Variants in FANK1 observed in about 807,000 individuals in gnomAD.
FANK1 encodes the protein fibronectin type III and ankyrin repeat domains 1, also known as fibronectin type 3 and ankyrin repeat domains protein 1.
In FANK1, 44 loss-of-function variants were observed where a neutral mutation model predicts 45.3. The observed-to-expected ratio is 0.97, with a 90% CI of 0.76 to 1.25. The LOEUF (loss-of-function observed/expected upper bound fraction) is 1.25, where lower values mean the gene tolerates loss of function less well. FANK1 is among the 50% of genes most tolerant of loss of function. The pLI, the probability that FANK1 is intolerant of heterozygous loss-of-function variation, is 0.00. For missense variants in FANK1, 391 were observed against 424.4 expected (o/e 0.92, Z 0.69); for synonymous variants, 149 against 152.5 (o/e 0.98, Z 0.17).
At position 125,983,918 on chromosome 10, in the gene FANK1, C is replaced by A. The variant is rs1168844877; in HGVS notation, c.191+3580C>A. Among the ~76,000 whole-genome samples, 1 of 152,112 alleles carries A rather than the reference C, an allele frequency of 6.6e-6. No individual in the cohort carries two copies. The highest frequency in any genetic ancestry group is 6.5e-5 in the Admixed American group (1 of 15,268). On this transcript the variant is annotated intron_variant, in intron 2 of 10. Coordinates refer to ENST00000368693, the MANE Select transcript of FANK1 (RefSeq NM_145235.5). The surrounding 1 kb of genome is among the most constrained non-coding windows in gnomAD (Gnocchi z 4.3). ...TGTAGGGAGGCCAGGCAGCAAGCAG[C>A]AGGGAGGACTGATGAAGAAGCTTTT...
At position 125,980,344 on chromosome 10, in the gene FANK1, T is replaced by G; in HGVS notation, c.191+6T>G. 1 of 1,610,900 alleles carries G rather than the reference T, an allele frequency of 6.2e-7. No individual in the cohort carries two copies. Among genetic ancestry groups the G allele is most frequent in the South Asian group, 1.1e-5 (1 of 90,154 alleles). ...ACTTATGGTATCATTTATACGTAGG[T>G]GCAGTGTTGAATTGCTTGCCACTTT... On this transcript the variant is annotated splice_donor_region_variant and intron_variant, in intron 2 of 10. Transcript: ENST00000368693.
chr10:125,954,273 G>A (rs1339437053), intron 1 of FANK1, among the ~76,000 whole-genome samples: 1 of 152,148 alleles, frequency 6.6e-6, no homozygotes, highest in Non-Finnish European at 1.5e-5. Flanking sequence ...TACTGAAACT[G>A]AGACAGGGAG....
chr10:126,009,538 A>G lies in FANK1; in HGVS notation c.*100A>G. On this transcript the variant is annotated 3_prime_UTR_variant, in exon 11 of 11. Transcript: ENST00000368693. ...CTGCATCTTGGGGGGCTGTACATTT[A>G]TTTATTTAGTTGAAGATTCACTGAT... 1 of 1,282,844 alleles carries G rather than the reference A, an allele frequency of 7.8e-7. No individual in the cohort carries two copies. Among genetic ancestry groups the G allele is most frequent in the East Asian group, 2.4e-5 (1 of 42,466 alleles). The allele number at this position is 1,282,844 out of a possible 1,614,324, so 79.5% of individuals were successfully genotyped here.
At chr10:125,908,658 T>C (rs1945737644) in intron 1 of FANK1, among the ~76,000 whole-genome samples, 1 of 152,088 alleles carries the variant, frequency 6.6e-6, no homozygotes, top group Non-Finnish European at 1.5e-5. Flanking sequence ...TGTACCCTGC[T>C]CGAGTGATGG....
chr10:125,912,620 T>C (rs1406356229), intron 1 of FANK1, among the ~76,000 whole-genome samples: 1 of 152,156 alleles, frequency 6.6e-6, no homozygotes, highest in Non-Finnish European at 1.5e-5. Flanking sequence ...ACTTAATATA[T>C]AGTGCTTACC....
At chr10:125,901,842 T>C (rs1211911555) in intron 1 of FANK1, among the ~76,000 whole-genome samples, 2 of 152,232 alleles carry the variant, frequency 1.3e-5, no homozygotes, top group African/African-American at 4.8e-5. Context: ...AAAATCTAGC[T>C]GGACGTGGTG....
chr10:125,940,700 C>A (rs533893400), intron 1 of FANK1, among the ~76,000 whole-genome samples: 4 of 152,216 alleles, frequency 2.6e-5, no homozygotes, highest in East Asian at 3.9e-4. Flanking sequence ...TCCCTTCGCA[C>A]GAGGCCATAT....
At chr10:125,944,841 G>T (rs1948670477) in intron 1 of FANK1, among the ~76,000 whole-genome samples, 1 of 152,180 alleles carries the variant, frequency 6.6e-6, no homozygotes, top group South Asian at 2.1e-4. Flanking sequence ...TGACTGGTTT[G>T]CTGTCAGTAA....
Position 125,947,578 on chromosome 10 carries a change from T to C in FANK1, c.14-32583T>C, listed in dbSNP as rs1487779552. On this transcript the variant is annotated intron_variant, in intron 1 of 10. Coordinates refer to ENST00000368693, the MANE Select transcript of FANK1 (RefSeq NM_145235.5). ...AGAAGAGCTAACTATCCTAAATATA[T>C]ATGCACCCAATACAAGAGCACCCAG... Among the ~76,000 whole-genome samples the C allele has an allele frequency of 3.0e-4, 46 of 151,758 alleles. No homozygotes were observed. The South Asian group carries it at 9.2e-3, about 30-fold the overall frequency.
chr10:125,968,817 A>C (rs1950323036), intron 1 of FANK1, among the ~76,000 whole-genome samples: 2 of 152,174 alleles, frequency 1.3e-5, no homozygotes, highest in South Asian at 4.1e-4. Context: ...CAAACCTATA[A>C]TTTGTGAGTG....
intron 1 of FANK1, among the ~76,000 whole-genome samples, chr10:125,910,153 T>C (rs1445797180): frequency 6.6e-6 from 1 of 152,348 alleles, no homozygotes; most frequent in East Asian, 1.9e-4. Context: ...GTTTCTTTTT[T>C]CTGTTTTTTA....
chr10:125,912,733 G>C, intron 1 of FANK1, among the ~76,000 whole-genome samples: 1 of 152,196 alleles, frequency 6.6e-6, no homozygotes, highest in Non-Finnish European at 1.5e-5. Flanking sequence ...CACCTCCTGA[G>C]TTCAAGCAAT....
chr10:125,924,045 G>T (rs912133909), intron 1 of FANK1, among the ~76,000 whole-genome samples: 2 of 152,118 alleles, frequency 1.3e-5, no homozygotes, highest in East Asian at 3.9e-4. Context: ...GAGCCTGTAA[G>T]GGGGAGGCTG....
chr10:125,900,166 T>TC (rs537779716), intron 1 of FANK1, among the ~76,000 whole-genome samples: 2 of 152,300 alleles, frequency 1.3e-5, no homozygotes, highest in Non-Finnish European at 2.9e-5. Flanking sequence ...AGAAATGACT[T>TC]CCCAGGGAAA....
chr10:125,899,002 C>T (rs1389976839), intron 1 of FANK1, among the ~76,000 whole-genome samples: 1 of 151,458 alleles, frequency 6.6e-6, no homozygotes, highest in Non-Finnish European at 1.5e-5. Context: ...TCAAGCAATC[C>T]TCTCACCTGA....
intron 1 of FANK1, among the ~76,000 whole-genome samples, chr10:125,945,716 C>T (rs2134159167): frequency 6.6e-6 from 1 of 152,332 alleles, no homozygotes; most frequent in Non-Finnish European, 1.5e-5. Flanking sequence ...GTAAACAAAG[C>T]AGCCAGGAGG....
intron 1 of FANK1, among the ~76,000 whole-genome samples, chr10:125,957,930 A>G (rs563965657): frequency 4.6e-5 from 7 of 152,042 alleles, no homozygotes; most frequent in Non-Finnish European, 7.4e-5. Flanking sequence ...GGTTTCTTTT[A>G]CATTTTTAAT....
chr10:125,977,446 C>T (rs1210752625), intron 1 of FANK1, among the ~76,000 whole-genome samples: 2 of 152,138 alleles, frequency 1.3e-5, no homozygotes, highest in Non-Finnish European at 2.9e-5. Flanking sequence ...TGTTTGGTTG[C>T]GTGGCTCCCC....
chr10:125,914,287 A>ATATATATATATATATATT (rs1946270446), intron 1 of FANK1, among the ~76,000 whole-genome samples: 1 of 150,642 alleles, frequency 6.6e-6, no homozygotes, highest in South Asian at 2.1e-4. Context: ...TGCCATATAT[A>ATATATATATATATATATT]TATATTTAAA....
Sources: allele counts gnomAD v4.1 joint callset (sites outside exome capture counted in the v4.1 genomes callset), GRCh38; gene constraint gnomAD v4.1.1; non-coding constraint Gnocchi (gnomAD v3.1); transcripts MANE v1.5; gene names NCBI Gene and HGNC (gene_info 2026-07-23, HGNC 2026-07-21).